NLRP9: variants seen among roughly 807,000 people sequenced by gnomAD.
NLRP9 encodes NACHT, LRR and PYD domains-containing protein 9.
NLRP9 carries 88 observed loss-of-function variants against 83.1 expected under a neutral mutation model. The ratio of observed to expected loss-of-function variants is 1.06; its 90% CI spans 0.89 to 1.26. NLRP9 has a LOEUF of 1.26. Ranked by LOEUF, NLRP9 falls within the 50% of genes most tolerant of loss-of-function variation. The pLI, the probability that NLRP9 is intolerant of heterozygous loss-of-function variation, is 0.00. For synonymous variants in NLRP9, 521 were observed against 447.6 expected (o/e 1.16, Z -2.07); for missense variants, 1,308 against 1,179.3 (o/e 1.11, Z -1.60).
Position 55,712,592 on chromosome 19 carries a change from T to C in NLRP9, c.2502-2A>G. 1 of 1,611,548 alleles carries C rather than the reference T, an allele frequency of 6.2e-7. No homozygotes were observed. The highest frequency in any genetic ancestry group is 1.1e-5 in the South Asian group (1 of 91,000). On this transcript the variant is annotated splice_acceptor_variant, in intron 6 of 8. Transcript: ENST00000332836. LOFTEE classifies it high-confidence loss of function. ...GAAGTAAGGAAACAGCCCATCAACC[T>C]GGGGAGGTGGAAGACACACAAATAC...
chr19:55,719,660 T>C (rs538006451), intron 4 of NLRP9, among the ~76,000 whole-genome samples: 31 of 152,318 alleles, frequency 2.0e-4, no homozygotes, highest in African/African-American at 7.5e-4. Flanking sequence ...AGCCTCTCGA[T>C]TGAAACTATG....
At position 55,733,068 on chromosome 19, in the gene NLRP9, T is replaced by C. The variant is rs761572395; in HGVS notation, c.763A>G (p.Ile255Val). 2 of 1,613,952 alleles carry C rather than the reference T, an allele frequency of 1.2e-6. No individual in the cohort carries two copies. Among genetic ancestry groups the C allele is most frequent in the Non-Finnish European group, 1.7e-6 (2 of 1,179,952 alleles). The change falls in exon 2 of 9, where the codon ATT becomes GTT. Residue 255 changes from isoleucine (I) to valine (V), a missense_variant. By Grantham distance (29) the Ile-to-Val change is conservative. Transcript: ENST00000332836. ...TTTTGCAACAAACTGCTCAGGATAA[T>C]TGGCATTGGCTGCCGCTGCCTCCAA... Reference protein sequence around the residue: ...DDWRQRQPMPIILSSLLQKKM... With the variant: ...DDWRQRQPMPVILSSLLQKKM...
At chr19:55,712,069 C>T (rs1054633257) in intron 7 of NLRP9, 99 bp from the exon 8 acceptor site, 10 of 1,215,432 alleles carry the variant, frequency 8.2e-6, no homozygotes, top group Non-Finnish European at 1.2e-5. Flanking sequence ...CGGCAGGACG[C>T]TCTGCTGTCT....
Position 55,733,107 on chromosome 19 carries a change from C to A in NLRP9, c.724G>T (p.Asp242Tyr). 6.2e-7 allele frequency: 1 copy of A among 1,614,134 alleles called. No individual in the cohort carries two copies. Among genetic ancestry groups the A allele is most frequent in the Non-Finnish European group, 8.5e-7 (1 of 1,180,012 alleles). The change falls in exon 2 of 9, where the codon GAC becomes TAC. Residue 242 changes from aspartate to tyrosine, a missense_variant. Asp to Tyr is a radical substitution (Grantham distance 160). Transcript: ENST00000332836. Reference protein sequence around the residue: ...QLKFNLQLKADLSDDWRQRQP... With the variant: ...QLKFNLQLKAYLSDDWRQRQP... ...CGCTGCCTCCAATCATCGCTCAAGT[C>A]AGCCTTAAGTTGTAAGTTAAACTTC...
At chr19:55,719,990 T>A (rs904113445) in intron 4 of NLRP9, among the ~76,000 whole-genome samples, 7 of 152,138 alleles carry the variant, frequency 4.6e-5, no homozygotes, top group African/African-American at 7.2e-5. Context: ...ATCTTTAACA[T>A]GTAAAAGAAC....
intron 4 of NLRP9, among the ~76,000 whole-genome samples, chr19:55,723,676 C>T (rs1387439882): frequency 7.5e-6 from 1 of 132,810 alleles, no homozygotes; most frequent in Admixed American, 8.7e-5. Flanking sequence ...TGCAGTGAGT[C>T]AAGATTGCGT....
At chr19:55,713,227 A>C (rs946300268) in intron 6 of NLRP9, among the ~76,000 whole-genome samples, 2 of 151,132 alleles carry the variant, frequency 1.3e-5, no homozygotes, top group African/African-American at 2.4e-5. Context: ...TTTGTATATC[A>C]TGTGTCCAAT....
intron 2 of NLRP9, 104 bp from the exon 3 acceptor site, chr19:55,730,096 C>T (rs1299653404): frequency 4.8e-6 from 5 of 1,033,644 alleles, no homozygotes; most frequent in East Asian, 2.4e-5. Flanking sequence ...AGCTGACAGA[C>T]ACCCAGGCCT....
chr19:55,719,342 G>T (rs540167256), intron 4 of NLRP9, among the ~76,000 whole-genome samples: 1 of 145,816 alleles, frequency 6.9e-6, no homozygotes, highest in African/African-American at 2.4e-5. Context: ...TAGTAGAGAC[G>T]GGGTTTCACC....
Position 55,733,482 on chromosome 19 carries a change from G to C in NLRP9, c.349C>G (p.Leu117Val). 1 of 1,613,216 alleles carries C rather than the reference G, an allele frequency of 6.2e-7. No individual in the cohort carries two copies. The highest frequency in any genetic ancestry group is 8.5e-7 in the Non-Finnish European group (1 of 1,179,614). The part of the protein sequence containing the change: ...FQLIWEKETC[L>V]HVPEHFYKET... ...TTGTAGAAATGCTCAGGGACGTGAA[G>C]ACAGGTTTCCTTCTCCCATATGAGT... The change falls in exon 2 of 9, where the codon CTT becomes GTT. Residue 117 changes from leucine (L) to valine (V), a missense_variant. Transcript: ENST00000332836.
intron 6 of NLRP9, 96 bp from the exon 7 acceptor site, chr19:55,712,686 C>A (rs2122280365): frequency 5.4e-6 from 5 of 927,176 alleles, no homozygotes; most frequent in African/African-American, 1.9e-5. Flanking sequence ...AAGAAATACC[C>A]AAGTAAATCT....
chr19:55,720,605 C>T (rs1988194517), intron 4 of NLRP9, among the ~76,000 whole-genome samples: 1 of 152,150 alleles, frequency 6.6e-6, no homozygotes, highest in African/African-American at 2.4e-5. Flanking sequence ...GCTGGGATCA[C>T]AGGCATGAGC....
Position 55,732,662 on chromosome 19 carries a change from G to A in NLRP9, c.1169C>T (p.Ala390Val), listed in dbSNP as rs745963932. ...CAAAGCACACAGGCTTTTTAGTCGGGCTCTGTTCACCTTAGGTGGAAAACT... is the reference window on the plus strand; with the variant it reads ...CAAAGCACACAGGCTTTTTAGTCGGACTCTGTTCACCTTAGGTGGAAAACT... ...SQSFPPKVNR[A>V]RLKSLCALAA... Residue 390 changes from alanine (A) to valine (V), a missense_variant, in exon 2 of 9, where the codon GCC (alanine) becomes GTC (valine). Coordinates refer to ENST00000332836, the MANE Select transcript of NLRP9 (RefSeq NM_176820.4). 2.5e-6 allele frequency: 4 copies of A among 1,614,170 alleles called. No individual in the cohort carries two copies. The highest frequency in any genetic ancestry group is 2.2e-5 in the South Asian group (2 of 91,088).
chr19:55,713,243 T>C (rs976240440), intron 6 of NLRP9, among the ~76,000 whole-genome samples: 1 of 151,444 alleles, frequency 6.6e-6, no homozygotes, highest in Non-Finnish European at 1.5e-5. Context: ...CCAATCCCTC[T>C]CCAGGCCCCA....
At chr19:55,733,919 A>AATTTTTTTTTTTTTTTTT (rs1555796186) in intron 1 of NLRP9, among the ~76,000 whole-genome samples, 39 of 117,868 alleles carry the variant, frequency 3.3e-4, no homozygotes, top group African/African-American at 1.3e-3. Context: ...TGTCAACCAA[A>AATTTTTTTTTTTTTTTTT]TTTTTTTTTT....
At chr19:55,729,050 C>CTTTT (rs374589373) in intron 3 of NLRP9, among the ~76,000 whole-genome samples, 1,552 of 70,070 alleles carry the variant, frequency 0.022, 90 homozygotes, top group African/African-American at 0.076. Flanking sequence ...TTTTCTTTTT[C>CTTTT]TTTTTTTTTT....
chr19:55,723,882 G>C lies in NLRP9; in HGVS notation c.2159+98C>G, dbSNP rs140998610. The C allele has an allele frequency of 3.6e-3, 3,139 of 877,070 alleles. 11 individuals are homozygous for C. Among genetic ancestry groups the C allele is most frequent in the Middle Eastern group, 0.018 (69 of 3,798 alleles). The allele number at this position is 877,070 out of a possible 1,614,324, so 54.3% of individuals were successfully genotyped here. On this transcript the variant is annotated intron_variant, in intron 4 of 8. Coordinates refer to ENST00000332836, the MANE Select transcript of NLRP9 (RefSeq NM_176820.4). ...AAGATGAAAAACAAGAGAGATGAAG[G>C]CTGATGCAATGACCCTCCAGGAAGG...
chr19:55,726,311 C>A (rs1415963681), intron 3 of NLRP9, among the ~76,000 whole-genome samples: 2 of 152,162 alleles, frequency 1.3e-5, no homozygotes, highest in Non-Finnish European at 2.9e-5. Context: ...GGAAAAGGGG[C>A]AAACTAAAAT....
chr19:55,734,335 G>A (rs1988712731), intron 1 of NLRP9, among the ~76,000 whole-genome samples: 1 of 120,754 alleles, frequency 8.3e-6, no homozygotes, highest in South Asian at 2.8e-4. Flanking sequence ...CTGCACTCAA[G>A]CCTGGGCAAC....
Sources: allele counts gnomAD v4.1 joint callset (sites outside exome capture counted in the v4.1 genomes callset), GRCh38; gene constraint gnomAD v4.1.1; transcripts MANE v1.5; gene names NCBI Gene and HGNC (gene_info 2026-07-23, HGNC 2026-07-21).